SEMA4D: variants seen among roughly 807,000 people sequenced by gnomAD.
SEMA4D encodes the protein semaphorin 4D, also known as semaphorin-4D.
A neutral mutation model predicts 74.8 loss-of-function variants in SEMA4D; 22 were observed. The observed-to-expected ratio is 0.29, with a 90% CI of 0.21 to 0.42. SEMA4D has a LOEUF of 0.42. SEMA4D is among the 10% of genes least tolerant of loss of function. The pLI, the probability that SEMA4D is intolerant of heterozygous loss-of-function variation, is 1.00. For missense variants in SEMA4D, 937 were observed against 1,118.4 expected (o/e 0.84, Z 2.31); for synonymous variants, 445 against 463.7 (o/e 0.96, Z 0.52).
intron 1 of SEMA4D, among the ~76,000 whole-genome samples, chr9:89,490,629 C>A (rs1248302260): frequency 6.6e-6 from 1 of 152,126 alleles, no homozygotes; most frequent in African/African-American, 2.4e-5. Flanking sequence ...CTAAGGTATG[C>A]TTTTGGGCGG....
At chr9:89,433,585 G>A (rs1018270416) in intron 2 of SEMA4D, among the ~76,000 whole-genome samples, 7 of 152,194 alleles carry the variant, frequency 4.6e-5, no homozygotes, top group African/African-American at 1.2e-4. Flanking sequence ...TCCAACTCTT[G>A]GCATTTCGCT....
rs1475107590 is a variant in SEMA4D, at chr9:89,405,516, C to T, written c.-60G>A. 4 of 1,601,448 alleles carry T rather than the reference C, an allele frequency of 2.5e-6. No individual in the cohort carries two copies. Among genetic ancestry groups the T allele is most frequent in the Non-Finnish European group, 3.4e-6 (4 of 1,176,592 alleles). On this transcript the variant is annotated 5_prime_UTR_variant, in exon 3 of 16. Transcript: ENST00000422704. ...AGGCTCACGGCAGCAGGTGGCCGGG[C>T]AGGTGTGCTATTGCAGATGCGGCTC... is the stretch of plus-strand genomic sequence containing the variant.
At chr9:89,433,623 C>T (rs755331093) in intron 2 of SEMA4D, among the ~76,000 whole-genome samples, 1 of 152,196 alleles carries the variant, frequency 6.6e-6, no homozygotes, top group Non-Finnish European at 1.5e-5. Flanking sequence ...GACCTCCCAC[C>T]CCTGCATGTA....
chr9:89,405,930 C>A, intron 2 of SEMA4D: 1 of 1,174,282 alleles, frequency 8.5e-7, no homozygotes, highest in Non-Finnish European at 1.1e-6. Context: ...AGCTACCAGC[C>A]CAGAACACAG....
rs77084214 is a variant in SEMA4D at position 89,424,500 on chromosome 9, T to C, written c.-243-18801A>G. ...CCTCAGCTCAATGAGTCTGAAATGATTTAAATCCAAGATGCTTCCGTCCCG... is the reference window on the plus strand; with the variant it reads ...CCTCAGCTCAATGAGTCTGAAATGACTTAAATCCAAGATGCTTCCGTCCCG... On this transcript the variant is annotated intron_variant, in intron 2 of 15. Coordinates refer to ENST00000422704, the MANE Select transcript of SEMA4D (RefSeq NM_001371194.2). Among the ~76,000 whole-genome samples, 1,301 of 152,278 alleles carry C rather than the reference T, an allele frequency of 8.5e-3. 19 individuals are homozygous for C. The highest frequency in any genetic ancestry group is 0.029 in the African/African-American group (1,211 of 41,542).
chr9:89,376,794 G>C, downstream of SEMA4D: 1 of 1,525,282 alleles, frequency 6.6e-7, no homozygotes, highest in African/African-American at 1.4e-5. Flanking sequence ...GGAGGAGACA[G>C]ATGGACAGGG....
At chr9:89,364,649 G>A (rs1422763009) in intron 16 of SEMA4D, 2 of 155,448 alleles carry the variant, frequency 1.3e-5, no homozygotes, top group African/African-American at 4.8e-5. Context: ...TTTTCTCTGG[G>A]CTTTTGATCT....
chr9:89,477,724 T>C (rs1288029984), intron 1 of SEMA4D, among the ~76,000 whole-genome samples: 3 of 152,218 alleles, frequency 2.0e-5, no homozygotes, highest in Non-Finnish European at 4.4e-5. Context: ...TTTATGGCAT[T>C]TACCCAGCAC....
chr9:89,376,720 A>G, downstream of SEMA4D: 1 of 1,408,190 alleles, frequency 7.1e-7, no homozygotes, highest in South Asian at 1.5e-5. Flanking sequence ...GCCAGGACAG[A>G]TAAGGAAGGT....
intron 2 of SEMA4D, among the ~76,000 whole-genome samples, chr9:89,442,996 G>A (rs1444165146): frequency 6.6e-6 from 1 of 152,180 alleles, no homozygotes; most frequent in Non-Finnish European, 1.5e-5. Context: ...TGCCCACCAG[G>A]ACCGTGCTCA....
Position 89,405,639 on chromosome 9 carries a change from C to G in SEMA4D, c.-183G>C. The G allele has an allele frequency of 1.4e-6, 2 of 1,430,412 alleles. No individual in the cohort carries two copies. The highest frequency in any genetic ancestry group is 1.8e-6 in the Non-Finnish European group (2 of 1,096,202). The allele number at this position is 1,430,412 out of a possible 1,614,324, so 88.6% of individuals were successfully genotyped here. A position where few individuals can be genotyped will look rare whatever the true frequency, so the allele number is the denominator to read the frequency against. On this transcript the variant is annotated 5_prime_UTR_variant, in exon 3 of 16. Coordinates refer to ENST00000422704, the MANE Select transcript of SEMA4D (RefSeq NM_001371194.2). ...CCCAGTTCTCCAGGTGAGGAGGGGTCGCTCTCACCACCGCAATGTCAAAGC... is the reference window on the plus strand; with the variant it reads ...CCCAGTTCTCCAGGTGAGGAGGGGTGGCTCTCACCACCGCAATGTCAAAGC...
chr9:89,390,150 C>G (rs75092286), intron 9 of SEMA4D, among the ~76,000 whole-genome samples: 1 of 152,196 alleles, frequency 6.6e-6, no homozygotes, highest in African/African-American at 2.4e-5. Context: ...AAGGTCAAGG[C>G]AAGTCTGATC....
intron 4 of SEMA4D, among the ~76,000 whole-genome samples, chr9:89,400,121 T>C (rs1009443323): frequency 3.3e-5 from 5 of 151,546 alleles, no homozygotes; most frequent in Admixed American, 3.3e-4. Context: ...AACTTGCATG[T>C]TGGCAGCAGG....
intron 2 of SEMA4D, among the ~76,000 whole-genome samples, chr9:89,410,272 C>A (rs1844243207): frequency 6.6e-6 from 1 of 152,238 alleles, no homozygotes; most frequent in African/African-American, 2.4e-5. Context: ...CAGTAGAATG[C>A]ACACGATACT....
chr9:89,365,981 C>T (rs984232374), intron 16 of SEMA4D, among the ~76,000 whole-genome samples: 1 of 152,212 alleles, frequency 6.6e-6, no homozygotes, highest in Non-Finnish European at 1.5e-5. Context: ...ATGCTCCTCC[C>T]AAGGACTTGA....
chr9:89,377,308 AG>A lies in SEMA4D; in HGVS notation c.*1395del, dbSNP rs569596718. On this transcript the variant is annotated 3_prime_UTR_variant, in exon 16 of 16. Transcript: ENST00000422704. Reference sequence around the variant, plus strand: ...AATTCAAAGTAGAAAAATAAAAACAAGGTAAATCTTATAAAACACAAATGTT... The same window carrying A: ...AATTCAAAGTAGAAAAATAAAAACAAGTAAATCTTATAAAACACAAATGTT... 231 of 445,852 alleles carry A rather than the reference AG, an allele frequency of 5.2e-4. 1 individual carries two copies. Among genetic ancestry groups the A allele is most frequent in the African/African-American group, 4.2e-3 (210 of 50,120 alleles). 27.6% of individuals were successfully genotyped at this position (445,852 alleles called of 1,614,324 possible).
intron 1 of SEMA4D, among the ~76,000 whole-genome samples, chr9:89,467,069 T>A (rs944931125): frequency 6.6e-6 from 1 of 152,050 alleles, no homozygotes; most frequent in African/African-American, 2.4e-5. Context: ...TTAACGGGGG[T>A]TGTCCCCCTT....
rs1564832883 is a variant in SEMA4D at position 89,450,659 on chromosome 9, G to GAAAAAAAAAAAAAAAAAAAAAAAAAAAA, written c.-244+5228_-244+5229insTTTTTTTTTTTTTTTTTTTTTTTTTTTT. ...AGAGTTCTGCAAGTCGAAAAACCCAGGAAAAAAAAAAAAAAAAAAAAAAAA... is the reference window on the plus strand; with the variant it reads ...AGAGTTCTGCAAGTCGAAAAACCCAGAAAAAAAAAAAAAAAAAAAAAAAAAAAAGAAAAAAAAAAAAAAAAAAAAAAAA... On this transcript the variant is annotated intron_variant, in intron 2 of 15. Coordinates refer to ENST00000422704, the MANE Select transcript of SEMA4D (RefSeq NM_001371194.2). The GAAAAAAAAAAAAAAAAAAAAAAAAAAAA allele has an allele frequency of 6.2e-5, 26 of 421,252 alleles. 6 individuals are homozygous for GAAAAAAAAAAAAAAAAAAAAAAAAAAAA. Among genetic ancestry groups the GAAAAAAAAAAAAAAAAAAAAAAAAAAAA allele is most frequent in the East Asian group, 1.0e-4 (2 of 19,974 alleles). The allele number at this position is 421,252 out of a possible 1,614,324, so 26.1% of individuals were successfully genotyped here. A position where few individuals can be genotyped will look rare whatever the true frequency, so the allele number is the denominator to read the frequency against.
At chr9:89,448,831 G>A (rs1207534543) in intron 2 of SEMA4D, among the ~76,000 whole-genome samples, 2 of 152,332 alleles carry the variant, frequency 1.3e-5, no homozygotes, top group South Asian at 4.1e-4. Context: ...TCCAGCGTGT[G>A]TCCTGCAGCT....
Sources: gnomAD v4.1 joint callset for allele counts (sites outside exome capture counted in the v4.1 genomes callset) on GRCh38, gnomAD v4.1.1 for gene constraint, MANE v1.5 for transcripts, NCBI Gene and HGNC (gene_info 2026-07-23, HGNC 2026-07-21) for gene names.